Variants in NAALADL2 observed in about 807,000 individuals in gnomAD.
The protein encoded by NAALADL2 is N-acetylated alpha-linked acidic dipeptidase like 2, also known as inactive N-acetylated-alpha-linked acidic dipeptidase-like protein 2.
A neutral mutation model predicts 87.2 loss-of-function variants in NAALADL2; 76 were observed. That is an observed-to-expected ratio of 0.87 (90% CI 0.72 to 1.05). The LOEUF (loss-of-function observed/expected upper bound fraction) is 1.05, where lower values mean the gene tolerates loss of function less well. NAALADL2 is among the 50% of genes least tolerant of loss of function. The pLI, the probability that NAALADL2 is intolerant of heterozygous loss-of-function variation, is 0.00. For missense variants in NAALADL2, 1,089 were observed against 945.8 expected, an observed-to-expected ratio of 1.15 and a Z score of -1.99; for synonymous variants, 354 against 331.0, an observed-to-expected ratio of 1.07 and a Z score of -0.75.
At chr3:175,761,338 A>T (rs1164665468) in intron 13 of NAALADL2, among the ~76,000 whole-genome samples, 1 of 152,166 alleles carries the variant, frequency 6.6e-6, no homozygotes, top group Non-Finnish European at 1.5e-5. Context: ...GACTTCTTTC[A>T]TGTAGCAATA....
intron 1 of NAALADL2, among the ~76,000 whole-genome samples, chr3:174,955,021 A>T (rs532535647): frequency 9.9e-5 from 15 of 152,222 alleles, no homozygotes; most frequent in Middle Eastern, 6.8e-3. Context: ...CATGAATCTA[A>T]AATGTAATTC....
intron 4 of NAALADL2, among the ~76,000 whole-genome samples, chr3:175,290,261 C>G (rs1755491139): frequency 6.6e-6 from 1 of 152,138 alleles, no homozygotes; most frequent in African/African-American, 2.4e-5. Context: ...TGGAGACAAT[C>G]TAAATATCCA....
intron 5 of NAALADL2, among the ~76,000 whole-genome samples, chr3:175,422,529 T>C (rs1485281000): frequency 6.6e-6 from 1 of 151,764 alleles, no homozygotes; most frequent in Non-Finnish European, 1.5e-5. Flanking sequence ...GAAATATAAT[T>C]AAAAACAAAA....
intron 3 of NAALADL2, among the ~76,000 whole-genome samples, chr3:174,751,816 A>G (rs1734850365): frequency 6.6e-6 from 1 of 152,028 alleles, no homozygotes; most frequent in Admixed American, 6.6e-5. Flanking sequence ...GATATTTCCT[A>G]TGCTATTCAT....
In NAALADL2 at chr3:174,639,356, T is replaced by A. The variant is rs184457888; in HGVS notation, c.-115+88719T>A. Among the ~76,000 whole-genome samples, 1,023 of 152,286 alleles carry A rather than the reference T, an allele frequency of 6.7e-3. 8 individuals are homozygous for A. The highest frequency in any genetic ancestry group is 0.011 in the Non-Finnish European group (741 of 68,024). ...TCATAAAGTCAAAGAAAAATCAAAC[T>A]AAGACCCAGGGGTGTATGGGAGCTG... On this transcript the variant is annotated intron_variant, in intron 2 of 3. Coordinates refer to the NAALADL2 transcript ENST00000434257.
intron 11 of NAALADL2, among the ~76,000 whole-genome samples, chr3:175,647,613 A>T (rs1387185035): frequency 1.3e-5 from 2 of 152,166 alleles, no homozygotes; most frequent in African/African-American, 2.4e-5. Flanking sequence ...GAAGACTGAG[A>T]TCTAATGGGC....
chr3:174,808,600 T>A (rs1719782242), intron 3 of NAALADL2, among the ~76,000 whole-genome samples: 1 of 152,158 alleles, frequency 6.6e-6, no homozygotes, highest in Non-Finnish European at 1.5e-5. Context: ...ATGCTGAGAT[T>A]CCCATCTTTC....
intron 11 of NAALADL2, among the ~76,000 whole-genome samples, chr3:175,678,619 C>T (rs556085906): frequency 6.6e-6 from 1 of 152,180 alleles, no homozygotes; most frequent in Admixed American, 6.5e-5. Context: ...CAAACTATCG[C>T]AAGGACAGAA....
intron 5 of NAALADL2, among the ~76,000 whole-genome samples, chr3:175,418,539 C>T (rs944408528): frequency 6.6e-6 from 1 of 152,080 alleles, no homozygotes; most frequent in African/African-American, 2.4e-5. Context: ...CTTCTCTGAG[C>T]AATGCATCAC....
intron 2 of NAALADL2, among the ~76,000 whole-genome samples, chr3:174,732,244 GTAATA>G (rs1328272008): frequency 6.6e-6 from 1 of 152,106 alleles, no homozygotes; most frequent in Non-Finnish European, 1.5e-5. Flanking sequence ...AGAGTTCAGT[GTAATA>G]TAGTCTTGAC....
intron 4 of NAALADL2, among the ~76,000 whole-genome samples, chr3:175,259,701 T>C (rs1750680282): frequency 6.6e-6 from 1 of 152,212 alleles, no homozygotes; most frequent in Non-Finnish European, 1.5e-5. Flanking sequence ...TTATTTTGTA[T>C]ACAGAAACAA....
intron 10 of NAALADL2, chr3:175,609,592 A>G (rs1316241964): frequency 6.6e-6 from 1 of 152,132 alleles, no homozygotes; most frequent in Non-Finnish European, 1.5e-5. Context: ...GTGACTGTGT[A>G]TGTAATTCTT....
At chr3:175,484,312 T>C (rs1358711793) in intron 9 of NAALADL2, among the ~76,000 whole-genome samples, 6 of 152,164 alleles carry the variant, frequency 3.9e-5, no homozygotes, top group Admixed American at 3.9e-4. Flanking sequence ...TATCTGTTTT[T>C]GAAAGTATCT....
intron 2 of NAALADL2, among the ~76,000 whole-genome samples, chr3:174,699,314 G>A (rs138697116): frequency 6.6e-6 from 1 of 152,020 alleles, no homozygotes; most frequent in Non-Finnish European, 1.5e-5. Flanking sequence ...TGGCCAATAT[G>A]GTGAAACCTC....
At chr3:175,178,343 T>C (rs888951732) in intron 2 of NAALADL2, among the ~76,000 whole-genome samples, 1 of 152,086 alleles carries the variant, frequency 6.6e-6, no homozygotes, top group South Asian at 2.1e-4. Context: ...ATCCCAAGTA[T>C]ACATTTTTAT....
At chr3:175,802,791 G>T (rs557023771) in intron 13 of NAALADL2, among the ~76,000 whole-genome samples, 1 of 151,690 alleles carries the variant, frequency 6.6e-6, no homozygotes, top group African/African-American at 2.4e-5. Flanking sequence ...TATAATTTCT[G>T]ATCATTTCTC....
chr3:175,742,476 C>A (rs1561070099), intron 12 of NAALADL2, among the ~76,000 whole-genome samples: 1 of 151,424 alleles, frequency 6.6e-6, no homozygotes. Flanking sequence ...TGGCTCACTG[C>A]AAGCTCCGCC....
chr3:175,735,742 C>A (rs1003945913), intron 11 of NAALADL2, among the ~76,000 whole-genome samples: 9 of 152,158 alleles, frequency 5.9e-5, no homozygotes, highest in Non-Finnish European at 4.4e-5. Flanking sequence ...CCTCCCATAA[C>A]ACATGGGAAT....
At chr3:175,376,903 C>A (rs946967122) in intron 5 of NAALADL2, among the ~76,000 whole-genome samples, 1 of 152,088 alleles carries the variant, frequency 6.6e-6, no homozygotes, top group African/African-American at 2.4e-5. Flanking sequence ...CTGTTAATCC[C>A]TCCCAGTAAA....
Sources: gnomAD v4.1 joint callset for allele counts (sites outside exome capture counted in the v4.1 genomes callset) on GRCh38, gnomAD v4.1.1 for gene constraint, MANE v1.5 for transcripts, NCBI Gene and HGNC (gene_info 2026-07-23, HGNC 2026-07-21) for gene names.